C1QTNF7: variants seen among roughly 807,000 people sequenced by gnomAD.
C1QTNF7 encodes the protein C1q and TNF related 7, also known as complement C1q tumor necrosis factor-related protein 7.
Under a neutral mutation model 19.6 loss-of-function variants are expected in C1QTNF7, and 15 were observed. That is an observed-to-expected ratio of 0.76 (90% confidence interval 0.51 to 1.18). The LOEUF (loss-of-function observed/expected upper bound fraction) is 1.18, where lower values mean the gene tolerates loss of function less well. Ranked by LOEUF, C1QTNF7 falls within the 50% of genes most tolerant of loss-of-function variation. The pLI is 0.00. For missense variants in C1QTNF7, 324 were observed against 359.7 expected (o/e 0.90, Z 0.80); for synonymous variants, 142 against 137.5 (o/e 1.03, Z -0.23).
At chr4:15,418,390 C>T (rs1426694075) in intron 1 of C1QTNF7, among the ~76,000 whole-genome samples, 2 of 152,170 alleles carry the variant, frequency 1.3e-5, no homozygotes, top group Non-Finnish European at 2.9e-5. Flanking sequence ...TTTCTGACCT[C>T]CTTTCTTACA....
intron 1 of C1QTNF7, among the ~76,000 whole-genome samples, chr4:15,399,940 T>A (rs1295273640): frequency 6.6e-6 from 1 of 152,226 alleles, no homozygotes; most frequent in Non-Finnish European, 1.5e-5. Context: ...ACTGCCATTA[T>A]CACATTTTTA....
intron 1 of C1QTNF7, among the ~76,000 whole-genome samples, chr4:15,351,941 A>C (rs1171225855): frequency 6.6e-6 from 1 of 152,186 alleles, no homozygotes; most frequent in East Asian, 1.9e-4. Flanking sequence ...GGAAGGAGAA[A>C]GGGAGATAGC....
chr4:15,388,288 C>G (rs1273227642), intron 1 of C1QTNF7, among the ~76,000 whole-genome samples: 2 of 152,134 alleles, frequency 1.3e-5, no homozygotes, highest in African/African-American at 4.8e-5. Flanking sequence ...TAATTAAGGA[C>G]TATTTTGAGG....
At chr4:15,404,225 G>A (rs1219065096) in intron 1 of C1QTNF7, among the ~76,000 whole-genome samples, 1 of 152,158 alleles carries the variant, frequency 6.6e-6, no homozygotes, top group South Asian at 2.1e-4. Flanking sequence ...ACCATGAGCT[G>A]CTCCTTCTAT....
intron 1 of C1QTNF7, among the ~76,000 whole-genome samples, chr4:15,394,595 G>A (rs1718712878): frequency 6.6e-6 from 1 of 152,238 alleles, no homozygotes; most frequent in African/African-American, 2.4e-5. Context: ...GGGTTCAAAG[G>A]AAGGGATCTG....
intron 1 of C1QTNF7, among the ~76,000 whole-genome samples, chr4:15,368,306 T>G (rs1274297210): frequency 2.0e-5 from 3 of 152,142 alleles, no homozygotes; most frequent in Non-Finnish European, 4.4e-5. Context: ...TTTTTTTAAT[T>G]ATACTTTAAG....
intron 1 of C1QTNF7, among the ~76,000 whole-genome samples, chr4:15,350,210 G>C (rs1194156138): frequency 2.9e-5 from 4 of 135,636 alleles, no homozygotes; most frequent in African/African-American, 8.1e-5. Flanking sequence ...AAGAAGGAAG[G>C]AAGGGAGGGA....
intron 1 of C1QTNF7, among the ~76,000 whole-genome samples, chr4:15,384,686 T>C (rs1031277606): frequency 2.0e-5 from 3 of 152,248 alleles, no homozygotes; most frequent in African/African-American, 7.2e-5. Flanking sequence ...ACCATTTTTA[T>C]ACTTGGCCTG....
chr4:15,414,544 A>G (rs1242872945), intron 1 of C1QTNF7, among the ~76,000 whole-genome samples: 1 of 151,764 alleles, frequency 6.6e-6, no homozygotes, highest in Non-Finnish European at 1.5e-5. Flanking sequence ...CTGGTGTGAC[A>G]AAAAGAGAGT....
At chr4:15,344,890 T>G (rs949388936) in intron 1 of C1QTNF7, among the ~76,000 whole-genome samples, 1 of 152,244 alleles carries the variant, frequency 6.6e-6, no homozygotes. Flanking sequence ...CTCTCATGAC[T>G]GAGAACTTTT....
chr4:15,368,293 C>A (rs1032627097), intron 1 of C1QTNF7, among the ~76,000 whole-genome samples: 5 of 151,990 alleles, frequency 3.3e-5, no homozygotes, highest in African/African-American at 9.7e-5. Flanking sequence ...TTTATTTTAA[C>A]CATTTTTTTA....
rs776056725 is a variant in C1QTNF7, at chr4:15,442,154, T to C, written c.239-14T>C. ...TTGAGGAACTATTAATCAAACTATA[T>C]ACTCTTTCTGAAGGTTTGAGAGGTA... On this transcript the variant is annotated splice_polypyrimidine_tract_variant and intron_variant, in intron 2 of 2. Coordinates refer to ENST00000444304, the MANE Select transcript of C1QTNF7 (RefSeq NM_031911.5). The C allele has an allele frequency of 6.3e-7, 1 of 1,583,030 alleles. No individual in the cohort carries two copies. Among genetic ancestry groups the C allele is most frequent in the Non-Finnish European group, 8.5e-7 (1 of 1,169,680 alleles).
At chr4:15,418,984 C>T (rs538691329) in intron 1 of C1QTNF7, among the ~76,000 whole-genome samples, 2 of 152,192 alleles carry the variant, frequency 1.3e-5, no homozygotes, top group African/African-American at 2.4e-5. Flanking sequence ...CAAGCTTTGA[C>T]GTTCTCTTCA....
At chr4:15,377,679 T>G (rs1366534048) in intron 1 of C1QTNF7, among the ~76,000 whole-genome samples, 1 of 152,108 alleles carries the variant, frequency 6.6e-6, no homozygotes, top group African/African-American at 2.4e-5. Flanking sequence ...GAAGAGGTCA[T>G]GGAAAGGGTG....
chr4:15,365,416 T>A (rs1717477986), intron 1 of C1QTNF7, among the ~76,000 whole-genome samples: 1 of 152,172 alleles, frequency 6.6e-6, no homozygotes, highest in African/African-American at 2.4e-5. Context: ...CTAAAATGTT[T>A]CAAATGACAT....
chr4:15,351,600 C>T (rs184121668), intron 1 of C1QTNF7, among the ~76,000 whole-genome samples: 4 of 152,288 alleles, frequency 2.6e-5, no homozygotes, highest in East Asian at 1.9e-4. Context: ...AGAGCCCAAG[C>T]GGCGCCCGAG....
At chr4:15,367,654 C>G (rs1338309520) in intron 1 of C1QTNF7, among the ~76,000 whole-genome samples, 4 of 152,088 alleles carry the variant, frequency 2.6e-5, no homozygotes, top group Non-Finnish European at 5.9e-5. Context: ...GGAGCTTCAC[C>G]ACATGGCCCT....
intron 1 of C1QTNF7, among the ~76,000 whole-genome samples, chr4:15,362,722 C>T (rs1717387814): frequency 6.6e-6 from 1 of 152,174 alleles, no homozygotes; most frequent in Non-Finnish European, 1.5e-5. Context: ...TATCCTTCAG[C>T]ATCTCAGTTT....
At chr4:15,431,126 T>A (rs958516168) in intron 1 of C1QTNF7, among the ~76,000 whole-genome samples, 1 of 151,994 alleles carries the variant, frequency 6.6e-6, no homozygotes. Flanking sequence ...CCATTGCTTA[T>A]AACAGCAAAA....
Sources: allele counts gnomAD v4.1 joint callset (sites outside exome capture counted in the v4.1 genomes callset), GRCh38; gene constraint gnomAD v4.1.1; transcripts MANE v1.5; gene names NCBI Gene and HGNC (gene_info 2026-07-23, HGNC 2026-07-21).